The following DLG2 variants were observed in gnomAD, a reference collection of about 807,000 sequenced individuals.
The protein encoded by DLG2 is disks large homolog 2.
Under a neutral mutation model 132.5 loss-of-function variants are expected in DLG2, and 45 were observed. That is an observed-to-expected ratio of 0.34 (90% CI 0.27 to 0.44). DLG2 has a LOEUF of 0.44. Among genes scored for constraint, DLG2 ranks in the 20% least tolerant of loss-of-function variants. The probability of loss-of-function intolerance (pLI) is 1.00; values close to 1 mark genes in which losing one functional copy is unlikely to be tolerated. For synonymous variants in DLG2, 424 were observed against 419.6 expected, an observed-to-expected ratio of 1.01 and a Z score of -0.13; for missense variants, 1,045 against 1,196.9, an observed-to-expected ratio of 0.87 and a Z score of 1.87.
intron 4 of DLG2, among the ~76,000 whole-genome samples, chr11:85,243,542 T>C (rs1168811007): frequency 6.6e-6 from 1 of 152,020 alleles, no homozygotes; most frequent in East Asian, 1.9e-4. Flanking sequence ...ACCAGCTGTG[T>C]TACCTTGGGA....
chr11:85,294,613 T>C (rs1307085314), intron 3 of DLG2, among the ~76,000 whole-genome samples: 1 of 152,166 alleles, frequency 6.6e-6, no homozygotes, highest in African/African-American at 2.4e-5. Flanking sequence ...CTCCATGTGG[T>C]TGAACAGTTA....
rs745371933 is a variant in DLG2, at chr11:84,617,491, T to C, written c.358-82760A>G. 3.3e-5 allele frequency among the ~76,000 whole-genome samples: 5 copies of C among 152,266 alleles called. No individual in the cohort carries two copies. The South Asian group carries it at 1.0e-3, about 32-fold the overall frequency. On this transcript the variant is annotated intron_variant, in intron 6 of 27. Coordinates refer to ENST00000376104, the MANE Select transcript of DLG2 (RefSeq NM_001142699.3). ...GTAGATTGATTTATAATCCCTTGAG[T>C]ACATACCCAGTAATGGGATTGCTGG... is the stretch of plus-strand genomic sequence containing the variant.
intron 7 of DLG2, among the ~76,000 whole-genome samples, chr11:84,504,246 A>ACTATCCT (rs1467946001): frequency 6.6e-6 from 1 of 152,182 alleles, no homozygotes; most frequent in African/African-American, 2.4e-5. Context: ...CTGTCTTTCT[A>ACTATCCT]CTATCCTCTT....
intron 8 of DLG2, among the ~76,000 whole-genome samples, chr11:84,218,126 C>G (rs905765056): frequency 6.6e-6 from 1 of 151,652 alleles, no homozygotes; most frequent in Non-Finnish European, 1.5e-5. Flanking sequence ...TGAGATTGTG[C>G]CACTGCACTC....
intron 15 of DLG2, among the ~76,000 whole-genome samples, chr11:83,891,851 T>C (rs1473258335): frequency 6.6e-6 from 1 of 152,208 alleles, no homozygotes; most frequent in Non-Finnish European, 1.5e-5. Context: ...TGTAGGATGT[T>C]TGACTTCATG....
At chr11:84,649,079 T>C (rs571274188) in intron 6 of DLG2, among the ~76,000 whole-genome samples, 136 of 152,338 alleles carry the variant, frequency 8.9e-4, no homozygotes, top group Middle Eastern at 3.4e-3. Context: ...GATTCAGGTA[T>C]AAAGCTTCCA....
At chr11:84,387,318 A>T (rs901400314) in intron 7 of DLG2, among the ~76,000 whole-genome samples, 2 of 152,102 alleles carry the variant, frequency 1.3e-5, no homozygotes, top group Non-Finnish European at 2.9e-5. Context: ...TTGTACATAA[A>T]TTACCTCTCT....
intron 11 of DLG2, among the ~76,000 whole-genome samples, chr11:83,983,989 C>T (rs976434916): frequency 6.6e-6 from 1 of 152,086 alleles, no homozygotes; most frequent in Middle Eastern, 3.4e-3. Context: ...AAAGAGAAGG[C>T]TAAAACAAAT....
At chr11:84,465,050 AAG>A (rs1314862287) in intron 7 of DLG2, among the ~76,000 whole-genome samples, 6 of 151,298 alleles carry the variant, frequency 4.0e-5, no homozygotes, top group African/African-American at 1.5e-4. Context: ...GTAGAACATT[AAG>A]TCGTACTATG....
chr11:85,198,364 C>G lies in DLG2; in HGVS notation c.187-43713G>C, dbSNP rs187180496. Among the ~76,000 whole-genome samples the G allele has an allele frequency of 8.9e-4, 136 of 152,194 alleles. 1 individual carries two copies. The East Asian group carries it at 0.011, about 12-fold the overall frequency. ...GAACACACTGAAAATTATGAAAATT[C>G]TCCCCACAAAAAGTATACATTTGGC... is the stretch of plus-strand genomic sequence containing the variant. On this transcript the variant is annotated intron_variant, in intron 4 of 27. Coordinates refer to ENST00000376104, the MANE Select transcript of DLG2 (RefSeq NM_001142699.3).
intron 6 of DLG2, among the ~76,000 whole-genome samples, chr11:84,825,744 T>A (rs1257180593): frequency 6.6e-6 from 1 of 151,974 alleles, no homozygotes; most frequent in Non-Finnish European, 1.5e-5. Flanking sequence ...GCAAAAATTA[T>A]ATTGGTTCAT....
At chr11:84,102,021 A>G (rs560187822) in intron 9 of DLG2, among the ~76,000 whole-genome samples, 5 of 152,210 alleles carry the variant, frequency 3.3e-5, no homozygotes, top group South Asian at 4.1e-4. Context: ...TAATTCATCT[A>G]TTGGTGTTTA....
intron 11 of DLG2, among the ~76,000 whole-genome samples, chr11:84,001,018 A>G (rs1009854562): frequency 2.6e-5 from 4 of 152,126 alleles, no homozygotes; most frequent in African/African-American, 9.6e-5. Context: ...CAATAAAAGA[A>G]AAATAAAGGA....
intron 18 of DLG2, among the ~76,000 whole-genome samples, chr11:83,760,171 C>T (rs2093837648): frequency 1.3e-5 from 2 of 152,186 alleles, no homozygotes; most frequent in African/African-American, 2.4e-5. Context: ...TCCTGAAGTT[C>T]CCTTGACATG....
intron 21 of DLG2, among the ~76,000 whole-genome samples, chr11:83,489,895 A>G (rs1356243989): frequency 6.6e-6 from 1 of 151,988 alleles, no homozygotes; most frequent in Non-Finnish European, 1.5e-5. Flanking sequence ...GTGAGATACA[A>G]ACGTGGTACG....
chr11:84,349,547 C>T (rs367986200), intron 7 of DLG2, among the ~76,000 whole-genome samples: 4 of 152,334 alleles, frequency 2.6e-5, no homozygotes, highest in African/African-American at 7.2e-5. Flanking sequence ...GTGAATGACA[C>T]ACCCTTGGAT....
chr11:85,263,759 G>C (rs567108807), intron 4 of DLG2, among the ~76,000 whole-genome samples: 43 of 152,180 alleles, frequency 2.8e-4, no homozygotes, highest in Non-Finnish European at 5.4e-4. Flanking sequence ...TCCAATGAGA[G>C]ATTGGAGCTG....
chr11:85,032,411 A>G (rs2061084907), intron 6 of DLG2, among the ~76,000 whole-genome samples: 1 of 152,204 alleles, frequency 6.6e-6, no homozygotes, highest in East Asian at 1.9e-4. Context: ...AAAAAATGAA[A>G]ATTCATTTGA....
intron 7 of DLG2, among the ~76,000 whole-genome samples, chr11:84,352,360 T>A (rs1261326904): frequency 6.6e-6 from 1 of 152,160 alleles, no homozygotes; most frequent in Non-Finnish European, 1.5e-5. Context: ...AATGAGGTAT[T>A]ATGTATGAAG....
Sources: gnomAD v4.1 joint callset for allele counts (sites outside exome capture counted in the v4.1 genomes callset) on GRCh38, gnomAD v4.1.1 for gene constraint, MANE v1.5 for transcripts, NCBI Gene and HGNC (gene_info 2026-07-23, HGNC 2026-07-21) for gene names.